The following PLB1 variants were observed in gnomAD, a reference collection of about 807,000 sequenced individuals.
PLB1 encodes phospholipase B1, also known as phospholipase B1, membrane-associated.
PLB1 carries 242 observed loss-of-function variants against 227.4 expected under a neutral mutation model. The ratio of observed to expected loss-of-function variants is 1.06; its 90% CI spans 0.96 to 1.18. PLB1 has a LOEUF of 1.18. Among genes scored for constraint, PLB1 ranks in the 50% most tolerant of loss-of-function variants. The pLI, the probability that PLB1 is intolerant of heterozygous loss-of-function variation, is 0.00. For missense variants in PLB1, 1,858 were observed against 1,816.3 expected (o/e 1.02, Z -0.42); for synonymous variants, 757 against 682.2 (o/e 1.11, Z -1.71).
Position 28,642,902 on chromosome 2 carries a change from A to T in PLB1, c.4218A>T (p.Pro1406=). ...CCCTGCGGAACAGCCGATTGCTCCCAGACCAGGCTGAAGAAGCCCCCGAGG... is the reference window on the plus strand; with the variant it reads ...CCCTGCGGAACAGCCGATTGCTCCCTGACCAGGCTGAAGAAGCCCCCGAGG... ...LYTLRNSRLL[P]DQAEEAPEVL... Residue 1406 remains proline (P), a synonymous_variant, in exon 58 of 58, where the codon CCA becomes CCT. Coordinates refer to ENST00000327757, the MANE Select transcript of PLB1 (RefSeq NM_153021.5). 2 of 1,608,708 alleles carry T rather than the reference A, an allele frequency of 1.2e-6. No individual in the cohort carries two copies. The highest frequency in any genetic ancestry group is 1.7e-6 in the Non-Finnish European group (2 of 1,177,564).
intron 6 of PLB1, 21 bp downstream of exon 6, chr2:28,525,966 C>A (rs746292478): frequency 6.2e-7 from 1 of 1,613,738 alleles, no homozygotes; most frequent in South Asian, 1.1e-5. Context: ...GTTTTCACGG[C>A]CAGATTTCAG....
At chr2:28,512,052 A>G (rs1668342876) in intron 1 of PLB1, among the ~76,000 whole-genome samples, 1 of 145,772 alleles carries the variant, frequency 6.9e-6, no homozygotes, top group Admixed American at 6.9e-5. Context: ...CAGCCTAGCC[A>G]TTTTATCTTT....
chr2:28,609,909 G>T (rs143941585), intron 43 of PLB1, among the ~76,000 whole-genome samples: 149 of 151,952 alleles, frequency 9.8e-4, no homozygotes, highest in African/African-American at 3.4e-3. Flanking sequence ...TCATCACTTT[G>T]TACGTTAAAG....
intron 56 of PLB1, 72 bp downstream of exon 56, chr2:28,633,111 G>A: frequency 1.5e-6 from 2 of 1,313,540 alleles, no homozygotes; most frequent in Non-Finnish European, 1.1e-6. Flanking sequence ...TCTCACAATG[G>A]CAAAACTACT....
intron 43 of PLB1, among the ~76,000 whole-genome samples, chr2:28,613,492 T>C (rs555831679): frequency 6.6e-6 from 1 of 152,158 alleles, no homozygotes; most frequent in East Asian, 1.9e-4. Context: ...ACTGGGCTTA[T>C]GTGAAAACTG....
chr2:28,599,124 G>C (rs890625097), intron 35 of PLB1, among the ~76,000 whole-genome samples: 8 of 152,370 alleles, frequency 5.3e-5, no homozygotes, highest in African/African-American at 1.9e-4. Flanking sequence ...AAAAAGATCA[G>C]AGAGGGCCAA....
At position 28,615,767 on chromosome 2, in the gene PLB1, C is replaced by A. The variant is rs112399865; in HGVS notation, c.3195+1671C>A. ...AAGTGCTCGGTAGACAGTGGTGAGC[C>A]GAATGGGTCTGGATCTGCCCTCTTG... On this transcript the variant is annotated intron_variant, in intron 44 of 57. Coordinates refer to ENST00000327757, the MANE Select transcript of PLB1 (RefSeq NM_153021.5). 1.6e-4 allele frequency among the ~76,000 whole-genome samples: 24 copies of A among 152,278 alleles called. No individual in the cohort carries two copies. In the South Asian group the frequency reaches 4.1e-3, roughly 26 times the overall value.
intron 10 of PLB1, among the ~76,000 whole-genome samples, chr2:28,538,759 G>A (rs1161531052): frequency 3.3e-5 from 5 of 152,174 alleles, no homozygotes; most frequent in African/African-American, 9.7e-5. Context: ...GGGGGTTGCT[G>A]TGGCCCTGCC....
chr2:28,595,271 G>T (rs1400374658), intron 33 of PLB1: 4 of 152,220 alleles, frequency 2.6e-5, no homozygotes, highest in African/African-American at 9.6e-5. Flanking sequence ...TTCAATGGCT[G>T]CTGTCCCTTT....
At position 28,604,696 on chromosome 2, in the gene PLB1, G is replaced by A. The variant is rs761544763; in HGVS notation, c.2898G>A (p.Thr966=). Reference sequence around the variant, plus strand: ...TGGTGGGGTCAGGCCGCTATGACACGCAGGAGGACTTCTCTGTGGTGCTGC... The same window carrying A: ...TGGTGGGGTCAGGCCGCTATGACACACAGGAGGACTTCTCTGTGGTGCTGC... The part of the protein sequence containing the change: ...RELVGSGRYD[T]QEDFSVVLQP... The change falls in exon 41 of 58, where the codon ACG becomes ACA. Residue 966 remains threonine (T), a synonymous_variant. Coordinates refer to ENST00000327757, the MANE Select transcript of PLB1 (RefSeq NM_153021.5). 1.1e-5 allele frequency: 17 copies of A among 1,614,178 alleles called. No homozygotes were observed. In the Middle Eastern group the frequency reaches 4.9e-4, roughly 47 times the overall value.
intron 1 of PLB1, among the ~76,000 whole-genome samples, chr2:28,505,732 T>A (rs1022722108): frequency 2.0e-5 from 3 of 152,258 alleles, no homozygotes; most frequent in African/African-American, 7.2e-5. Flanking sequence ...CCAAGCCTTC[T>A]AGAAATACAG....
In PLB1 at chr2:28,608,366, T is replaced by A. The variant is rs1684969134; in HGVS notation, c.3129+1799T>A. ...CTGACAGGGGCCAGGCAGCACCTAT[T>A]TTTGTCCTAGATGTGTCTAAACATA... On this transcript the variant is annotated intron_variant, in intron 43 of 57. Transcript: ENST00000327757. 2.0e-5 allele frequency among the ~76,000 whole-genome samples: 3 copies of A among 152,218 alleles called. No homozygotes were observed. The East Asian group carries it at 5.8e-4, about 29-fold the overall frequency.
chr2:28,568,301 C>G (rs1677402492), intron 20 of PLB1, among the ~76,000 whole-genome samples: 2 of 152,182 alleles, frequency 1.3e-5, no homozygotes, highest in Non-Finnish European at 2.9e-5. Context: ...ACTTCCCATG[C>G]TCGTATTATG....
intron 31 of PLB1, 127 bp from the exon 32 acceptor site, chr2:28,592,534 C>T (rs1682144796): frequency 1.1e-6 from 1 of 924,604 alleles, no homozygotes. Flanking sequence ...GCACTGTGCA[C>T]ACCCAGCCCT....
intron 28 of PLB1, 56 bp downstream of exon 28, chr2:28,589,826 A>G: frequency 6.5e-7 from 1 of 1,549,966 alleles, no homozygotes; most frequent in Non-Finnish European, 8.9e-7. Flanking sequence ...AAGACTTCAC[A>G]AAGCCTTTGG....
chr2:28,526,620 G>A (rs1670295307), intron 6 of PLB1, among the ~76,000 whole-genome samples: 1 of 152,122 alleles, frequency 6.6e-6, no homozygotes, highest in Non-Finnish European at 1.5e-5. Context: ...GGTCAGCCTA[G>A]CGGGATGTTA....
intron 1 of PLB1, among the ~76,000 whole-genome samples, chr2:28,513,659 G>A (rs1668522285): frequency 6.6e-6 from 1 of 152,118 alleles, no homozygotes; most frequent in African/African-American, 2.4e-5. Flanking sequence ...ACACTTGCAC[G>A]CAGGCACACA....
chr2:28,522,889 C>G (rs1208819790), intron 4 of PLB1, among the ~76,000 whole-genome samples: 1 of 152,102 alleles, frequency 6.6e-6, no homozygotes, highest in African/African-American at 2.4e-5. Context: ...ATGAACTTAC[C>G]TGGGGTGTGT....
Position 28,589,789 on chromosome 2 carries a change from A to G in PLB1, c.2016+19A>G. 6.2e-7 allele frequency: 1 copy of G among 1,600,746 alleles called. No individual in the cohort carries two copies. Among genetic ancestry groups the G allele is most frequent in the Non-Finnish European group, 8.6e-7 (1 of 1,168,646 alleles). The stretch of plus-strand genomic sequence containing the variant: ...CAATATGGTAAGTGGCTGCGGTAGG[A>G]AAATGCATCCTCCCTCTGGTAAGAA... On this transcript the variant is annotated intron_variant, in intron 28 of 57. Coordinates refer to ENST00000327757, the MANE Select transcript of PLB1 (RefSeq NM_153021.5).
Sources: allele counts gnomAD v4.1 joint callset (sites outside exome capture counted in the v4.1 genomes callset), GRCh38; gene constraint gnomAD v4.1.1; transcripts MANE v1.5; gene names NCBI Gene and HGNC (gene_info 2026-07-23, HGNC 2026-07-21).